The following CCSER1 variants were observed in gnomAD, a reference collection of about 807,000 sequenced individuals.
CCSER1 encodes serine-rich coiled-coil domain-containing protein 1.
CCSER1 carries 41 observed loss-of-function variants against 82.0 expected under a neutral mutation model. That is an observed-to-expected ratio of 0.50 (90% confidence interval 0.39 to 0.65). The LOEUF (loss-of-function observed/expected upper bound fraction) is 0.65, where lower values mean the gene tolerates loss of function less well. Ranked by LOEUF, CCSER1 falls within the 30% of genes least tolerant of loss-of-function variation. The pLI, the probability that CCSER1 is intolerant of heterozygous loss-of-function variation, is 0.00. For missense variants in CCSER1, 1,119 were observed against 1,064.2 expected (o/e 1.05, Z -0.72); for synonymous variants, 414 against 383.9 (o/e 1.08, Z -0.92).
intron 1 of CCSER1, among the ~76,000 whole-genome samples, chr4:90,189,650 G>A (rs543456890): frequency 3.3e-5 from 5 of 151,784 alleles, no homozygotes; most frequent in African/African-American, 4.8e-5. Flanking sequence ...TGCAGAATTT[G>A]TGTTTTTTCT....
chr4:91,500,110 G>A (rs1026832718), intron 10 of CCSER1, among the ~76,000 whole-genome samples: 2 of 152,024 alleles, frequency 1.3e-5, no homozygotes, highest in Non-Finnish European at 2.9e-5. Context: ...AAGAGGTCCT[G>A]TTATTCCATA....
intron 1 of CCSER1, among the ~76,000 whole-genome samples, chr4:90,247,567 GAA>G (rs1048743416): frequency 1.3e-5 from 2 of 152,034 alleles, no homozygotes; most frequent in Admixed American, 1.3e-4. Flanking sequence ...TTTTTAGTTT[GAA>G]AACTGAGAAA....
chr4:91,239,081 TC>T (rs1739250640), intron 10 of CCSER1, among the ~76,000 whole-genome samples: 1 of 151,506 alleles, frequency 6.6e-6, no homozygotes, highest in African/African-American at 2.4e-5. Context: ...CACCTCAGCC[TC>T]CCAAAGTGCT....
intron 10 of CCSER1, among the ~76,000 whole-genome samples, chr4:91,543,712 G>T (rs890152037): frequency 5.3e-5 from 8 of 152,084 alleles, no homozygotes; most frequent in Non-Finnish European, 1.0e-4. Context: ...AACCCGACCT[G>T]TCTCTCTGGC....
At chr4:90,854,733 T>C (rs534610437) in intron 8 of CCSER1, among the ~76,000 whole-genome samples, 1 of 152,248 alleles carries the variant, frequency 6.6e-6, no homozygotes, top group African/African-American at 2.4e-5. Flanking sequence ...AACTTTTTTT[T>C]TTAATTTAGA....
chr4:90,628,812 A>G (rs1197719894), intron 6 of CCSER1, among the ~76,000 whole-genome samples: 1 of 152,188 alleles, frequency 6.6e-6, no homozygotes, highest in Non-Finnish European at 1.5e-5. Flanking sequence ...TTGTGCCCAG[A>G]AATCAGCCAT....
At chr4:90,933,325 C>T (rs1453796513) in intron 9 of CCSER1, among the ~76,000 whole-genome samples, 12 of 151,430 alleles carry the variant, frequency 7.9e-5, no homozygotes, top group Middle Eastern at 6.8e-3. Context: ...GTAGCTGGGA[C>T]TACAGGCGCC....
At chr4:91,175,051 C>G (rs1315958685) in intron 10 of CCSER1, among the ~76,000 whole-genome samples, 4 of 152,090 alleles carry the variant, frequency 2.6e-5, no homozygotes, top group Non-Finnish European at 5.9e-5. Context: ...CAATTCCCAC[C>G]TATGAGTGAG....
chr4:90,392,325 G>A (rs1477045500), intron 3 of CCSER1, among the ~76,000 whole-genome samples: 1 of 151,912 alleles, frequency 6.6e-6, no homozygotes, highest in Non-Finnish European at 1.5e-5. Flanking sequence ...TATGGATTCA[G>A]ATATTGGTTT....
intron 9 of CCSER1, among the ~76,000 whole-genome samples, chr4:90,962,457 A>G (rs1734137737): frequency 6.6e-6 from 1 of 152,178 alleles, no homozygotes; most frequent in Non-Finnish European, 1.5e-5. Flanking sequence ...ATTTTAAAAA[A>G]GGAATATTTT....
At chr4:90,464,714 T>G (rs1051541470) in intron 4 of CCSER1, among the ~76,000 whole-genome samples, 1 of 152,208 alleles carries the variant, frequency 6.6e-6, no homozygotes, top group Non-Finnish European at 1.5e-5. Context: ...AAAAATGTAT[T>G]ATTGATTTTT....
At chr4:90,811,103 T>C (rs977110020) in intron 7 of CCSER1, among the ~76,000 whole-genome samples, 1 of 152,104 alleles carries the variant, frequency 6.6e-6, no homozygotes, top group African/African-American at 2.4e-5. Flanking sequence ...CCTTCCAAAG[T>C]GCTGGGGTTA....
intron 10 of CCSER1, among the ~76,000 whole-genome samples, chr4:91,344,648 A>G (rs1747938349): frequency 8.1e-6 from 1 of 123,038 alleles, no homozygotes; most frequent in Non-Finnish European, 1.5e-5. Flanking sequence ...TCTACAAAGG[A>G]AAAAAAAAAA....
At chr4:90,612,370 G>T (rs1327415533) in intron 5 of CCSER1, among the ~76,000 whole-genome samples, 1 of 152,124 alleles carries the variant, frequency 6.6e-6, no homozygotes, top group East Asian at 1.9e-4. Flanking sequence ...TCACTTAAAA[G>T]ACAAGATAAT....
chr4:91,027,466 G>A (rs995655680), intron 9 of CCSER1, among the ~76,000 whole-genome samples: 2 of 151,860 alleles, frequency 1.3e-5, no homozygotes, highest in African/African-American at 4.8e-5. Flanking sequence ...ATGTCTTTGT[G>A]CTCTAGTTTT....
chr4:91,461,532 C>A (rs13123986), intron 10 of CCSER1, among the ~76,000 whole-genome samples: 1 of 151,910 alleles, frequency 6.6e-6, no homozygotes, highest in Non-Finnish European at 1.5e-5. Context: ...ATTGTCAAAC[C>A]CCTTACCAGG....
chr4:91,028,923 CA>C (rs75268478), intron 9 of CCSER1, among the ~76,000 whole-genome samples: 40,735 of 151,688 alleles, frequency 0.27, 6,756 homozygotes, highest in East Asian at 0.39. Context: ...TAAGCTTCAG[CA>C]AATAAAAAGT....
rs564171109 is a variant in CCSER1 at position 91,536,788 on chromosome 4, T to A, written c.2218-61784T>A. Among the ~76,000 whole-genome samples the A allele has an allele frequency of 9.2e-5, 14 of 152,182 alleles. No homozygotes were observed. The South Asian group carries it at 1.2e-3, about 14-fold the overall frequency. ...TCCCCACTGTTATTAGCCTTAGGAT[T>A]CTTCATTATCCCTTATAGTTCCCTA... On this transcript the variant is annotated intron_variant, in intron 10 of 10. Coordinates refer to ENST00000509176, the MANE Select transcript of CCSER1 (RefSeq NM_001145065.2).
chr4:90,163,703 G>T (rs1185953792), intron 1 of CCSER1, among the ~76,000 whole-genome samples: 1 of 151,982 alleles, frequency 6.6e-6, no homozygotes, highest in East Asian at 1.9e-4. Flanking sequence ...CTTTACAAAG[G>T]TCACTAAGAT....
Sources: allele counts gnomAD v4.1 joint callset (sites outside exome capture counted in the v4.1 genomes callset), GRCh38; gene constraint gnomAD v4.1.1; transcripts MANE v1.5; gene names NCBI Gene and HGNC (gene_info 2026-07-23, HGNC 2026-07-21).